NETO1: variants seen among roughly 807,000 people sequenced by gnomAD.
NETO1 encodes the protein neuropilin and tolloid-like protein 1.
NETO1 carries 26 observed loss-of-function variants against 61.3 expected under a neutral mutation model. The ratio of observed to expected loss-of-function variants is 0.42; its 90% CI spans 0.31 to 0.59. The LOEUF (loss-of-function observed/expected upper bound fraction) is 0.59. Ranked by LOEUF, NETO1 falls within the 20% of genes least tolerant of loss-of-function variation. NETO1 has a pLI of 0.12. For missense variants in NETO1, 531 were observed against 662.8 expected, an observed-to-expected ratio of 0.80 and a Z score of 2.18; for synonymous variants, 225 against 225.8, an observed-to-expected ratio of 1.00 and a Z score of 0.03.
chr18:72,861,312 T>C (rs1477538245), intron 3 of NETO1, among the ~76,000 whole-genome samples: 6 of 152,196 alleles, frequency 3.9e-5, no homozygotes, highest in Admixed American at 3.9e-4. Flanking sequence ...CATAGCTGAA[T>C]TTTAGAAGGT....
intron 8 of NETO1, among the ~76,000 whole-genome samples, chr18:72,755,762 G>A (rs551051571): frequency 8.5e-5 from 13 of 152,144 alleles, no homozygotes; most frequent in Middle Eastern, 6.8e-3. Flanking sequence ...GAAAGCTCCC[G>A]TTTTCATAGC....
chr18:72,849,676 T>C (rs917348485), intron 4 of NETO1, among the ~76,000 whole-genome samples: 1 of 152,262 alleles, frequency 6.6e-6, no homozygotes, highest in Non-Finnish European at 1.5e-5. Context: ...TCTTATTTGT[T>C]GCTTTAACAA....
intron 6 of NETO1, among the ~76,000 whole-genome samples, chr18:72,786,764 T>C (rs994133966): frequency 4.6e-5 from 7 of 152,162 alleles, no homozygotes; most frequent in Non-Finnish European, 7.4e-5. Context: ...TCTAAAAATG[T>C]TAAACTTCCA....
chr18:72,750,740 T>C (rs989818723), intron 8 of NETO1, 120 bp from the exon 9 acceptor site: 5 of 633,890 alleles, frequency 7.9e-6, no homozygotes, highest in African/African-American at 7.3e-5. Flanking sequence ...GAGCACAGAA[T>C]TTTTACAGGC....
intron 4 of NETO1, among the ~76,000 whole-genome samples, chr18:72,849,459 C>T (rs887894600): frequency 1.3e-5 from 2 of 152,176 alleles, no homozygotes; most frequent in African/African-American, 4.8e-5. Flanking sequence ...TCACTTCCTT[C>T]TGTGTCCTTG....
chr18:72,818,015 C>T (rs997920045), intron 4 of NETO1, among the ~76,000 whole-genome samples: 5 of 152,134 alleles, frequency 3.3e-5, no homozygotes, highest in Admixed American at 6.5e-5. Flanking sequence ...GATTGCAACT[C>T]GGGCTTATAA....
At chr18:72,822,451 G>C (rs564263997) in intron 4 of NETO1, among the ~76,000 whole-genome samples, 8 of 152,190 alleles carry the variant, frequency 5.3e-5, no homozygotes, top group Admixed American at 5.2e-4. Flanking sequence ...CCGTCCCCCC[G>C]CAGGACGTGG....
intron 7 of NETO1, among the ~76,000 whole-genome samples, chr18:72,770,360 T>G (rs953933880): frequency 1.4e-4 from 22 of 152,122 alleles, no homozygotes; most frequent in Non-Finnish European, 5.9e-5. Flanking sequence ...TTGATTATGA[T>G]GTTTCTGTAT....
chr18:72,843,587 G>C lies in NETO1; in HGVS notation c.469+15239C>G, dbSNP rs118139811. Among the ~76,000 whole-genome samples, 298 of 152,222 alleles carry C rather than the reference G, an allele frequency of 2.0e-3. 1 individual carries two copies. Among genetic ancestry groups the C allele is most frequent in the Non-Finnish European group, 3.1e-3 (208 of 68,016 alleles). On this transcript the variant is annotated intron_variant, in intron 4 of 10. Transcript: ENST00000327305. ...ATCTGGTCATTTCATATGCGGTGTA[G>C]CTCATGTGTACCCTTGTGCCTTTCA...
intron 7 of NETO1, among the ~76,000 whole-genome samples, chr18:72,773,309 T>C (rs72964318): frequency 0.021 from 3,216 of 152,252 alleles, 29 homozygotes; most frequent in Non-Finnish European, 0.029. Context: ...CCCCCTTCTT[T>C]TGATTAAATC....
intron 4 of NETO1, among the ~76,000 whole-genome samples, chr18:72,831,805 T>C (rs535727677): frequency 1.3e-5 from 2 of 151,872 alleles, no homozygotes; most frequent in South Asian, 4.1e-4. Context: ...ACTAAATCAC[T>C]TGCAATTTTT....
chr18:72,755,903 T>C (rs2070766503), intron 8 of NETO1, 131 bp downstream of exon 8: 1 of 530,238 alleles, frequency 1.9e-6, no homozygotes, highest in African/African-American at 1.9e-5. Flanking sequence ...AAATCAATTA[T>C]AAGACATATG....
intron 7 of NETO1, among the ~76,000 whole-genome samples, chr18:72,759,427 A>G (rs555147168): frequency 1.3e-5 from 2 of 152,260 alleles, no homozygotes; most frequent in East Asian, 3.9e-4. Context: ...TTAAAAATTA[A>G]TGTTTATGTT....
In NETO1 at chr18:72,859,077, G is replaced by A. The variant is rs763149873; in HGVS notation, c.221-3C>T. 7 of 1,585,398 alleles carry A rather than the reference G, an allele frequency of 4.4e-6. No homozygotes were observed. Among genetic ancestry groups the A allele is most frequent in the Non-Finnish European group, 5.1e-6 (6 of 1,167,386 alleles). On this transcript the variant is annotated splice_polypyrimidine_tract_variant and splice_region_variant and intron_variant, in intron 3 of 10. Transcript: ENST00000327305. Reference sequence around the variant, plus strand: ...TTCAATGCACTGTCTTGGAGCGGCTGTAAAGAAGAAAGATTGTGTCTAGGA... The same window carrying A: ...TTCAATGCACTGTCTTGGAGCGGCTATAAAGAAGAAAGATTGTGTCTAGGA...
At chr18:72,766,249 T>A (rs2071156468) in intron 7 of NETO1, among the ~76,000 whole-genome samples, 2 of 145,954 alleles carry the variant, frequency 1.4e-5, no homozygotes, top group African/African-American at 5.0e-5. Context: ...TGTGTGTGTG[T>A]GTGTGTGTAG....
chr18:72,788,276 G>C (rs963827922), intron 6 of NETO1, among the ~76,000 whole-genome samples: 1 of 152,098 alleles, frequency 6.6e-6, no homozygotes, highest in Non-Finnish European at 1.5e-5. Flanking sequence ...GAAGCATTCA[G>C]TAGTGTTTAC....
At chr18:72,836,398 C>T (rs932584981) in intron 4 of NETO1, among the ~76,000 whole-genome samples, 3 of 152,100 alleles carry the variant, frequency 2.0e-5, no homozygotes, top group African/African-American at 4.8e-5. Flanking sequence ...CTCCTTTACC[C>T]CACTTATTGT....
At chr18:72,799,574 G>A (rs1298878872) in intron 4 of NETO1, among the ~76,000 whole-genome samples, 2 of 152,216 alleles carry the variant, frequency 1.3e-5, no homozygotes, top group African/African-American at 4.8e-5. Context: ...TATGCACTGT[G>A]TCAGCCATAC....
intron 7 of NETO1, among the ~76,000 whole-genome samples, chr18:72,781,342 A>C (rs755699706): frequency 9.2e-5 from 14 of 152,200 alleles, no homozygotes; most frequent in Non-Finnish European, 1.8e-4. Context: ...GGAATGATTC[A>C]TTGAATTGGG....
Sources: allele counts gnomAD v4.1 joint callset (sites outside exome capture counted in the v4.1 genomes callset), GRCh38; gene constraint gnomAD v4.1.1; transcripts MANE v1.5; gene names NCBI Gene and HGNC (gene_info 2026-07-23, HGNC 2026-07-21).